TEP1: variants seen among roughly 807,000 people sequenced by gnomAD.
TEP1 encodes the protein telomerase protein component 1.
A neutral mutation model predicts 306.3 loss-of-function variants in TEP1; 241 were observed. That is an observed-to-expected ratio of 0.79 (90% CI 0.71 to 0.88). The LOEUF is 0.88. Ranked by LOEUF, TEP1 falls within the 40% of genes least tolerant of loss-of-function variation. The pLI, the probability that TEP1 is intolerant of heterozygous loss-of-function variation, is 0.00. For synonymous variants in TEP1, 1,289 were observed against 1,305.5 expected (o/e 0.99, Z 0.27); for missense variants, 3,051 against 3,276.1 (o/e 0.93, Z 1.68).
rs768898185 is a variant in TEP1 at position 20,404,726 on chromosome 14, T to C, written c.917A>G (p.Asn306Ser). 2 of 1,613,902 alleles carry C rather than the reference T, an allele frequency of 1.2e-6. No homozygotes were observed. Among genetic ancestry groups the C allele is most frequent in the Admixed American group, 1.7e-5 (1 of 59,976 alleles). Residue 306 changes from asparagine (N) to serine (S), a missense_variant, in exon 5 of 55, where the codon AAT becomes AGT. Coordinates refer to ENST00000262715, the MANE Select transcript of TEP1 (RefSeq NM_007110.5). ...RQQLNVRNVA[N>S]NILAIAAFLP... ...GAAAGCAGCAATGGCCAAGATGTTATTGGCCACATTCCGGACGTTCAGCTG... is the reference window on the plus strand; with the variant it reads ...GAAAGCAGCAATGGCCAAGATGTTACTGGCCACATTCCGGACGTTCAGCTG...
chr14:20,383,538 C>T lies in TEP1; in HGVS notation c.3817G>A (p.Asp1273Asn). 6.2e-7 allele frequency: 1 copy of T among 1,614,240 alleles called. No homozygotes were observed. Among genetic ancestry groups the T allele is most frequent in the Non-Finnish European group, 8.5e-7 (1 of 1,180,048 alleles). The change falls in exon 26 of 55, where the codon GAC becomes AAC. Residue 1273 changes from aspartate (D) to asparagine (N), a missense_variant. By Grantham distance (23) the Asp-to-Asn change is conservative. Coordinates refer to ENST00000262715, the MANE Select transcript of TEP1 (RefSeq NM_007110.5). ...LIIDGADRLVDQNGQLISDWI... is the reference protein window; with the variant it reads ...LIIDGADRLVNQNGQLISDWI... ...TCTGAAATCAGCTGCCCATTCTGGTCCACTAACCTATCAGCCCCATCGATG... is the reference window on the plus strand; with the variant it reads ...TCTGAAATCAGCTGCCCATTCTGGTTCACTAACCTATCAGCCCCATCGATG...
rs1566480937 is a variant in TEP1 at position 20,403,360 on chromosome 14, CAGA to C, written c.1266+14_1266+16del. The C allele has an allele frequency of 6.8e-6, 11 of 1,613,780 alleles. No homozygotes were observed. The highest frequency in any genetic ancestry group is 1.7e-5 in the Admixed American group (1 of 59,952). ...GATTGTACATGCACATATACAACCC[CAGA>C]AGAAGGGACTCACCTTTCTCTGCTC... On this transcript the variant is annotated intron_variant, in intron 7 of 54. Coordinates refer to ENST00000262715, the MANE Select transcript of TEP1 (RefSeq NM_007110.5).
chr14:20,387,339 G>A (rs61996764), intron 18 of TEP1, among the ~76,000 whole-genome samples: 147,810 of 147,826 alleles, frequency 1, 73,897 homozygotes, highest in Middle Eastern at 1. Context: ...CTGAGGTCGG[G>A]AGTTCAAGGT....
At chr14:20,398,172 G>A (rs1052787124) in intron 9 of TEP1, among the ~76,000 whole-genome samples, 1 of 151,950 alleles carries the variant, frequency 6.6e-6, no homozygotes, top group Non-Finnish European at 1.5e-5. Flanking sequence ...GAGGTCAGGA[G>A]ATCAAGACCA....
chr14:20,404,554 T>G (rs1017509060), intron 5 of TEP1, 57 bp downstream of exon 5: 15 of 1,550,294 alleles, frequency 9.7e-6, no homozygotes, highest in Non-Finnish European at 1.3e-5. Context: ...AAGGATGCAG[T>G]GAGCATAAGA....
chr14:20,372,932 A>C, intron 48 of TEP1, 75 bp from the exon 49 acceptor site: 1 of 1,613,346 alleles, frequency 6.2e-7, no homozygotes, highest in South Asian at 1.1e-5. Flanking sequence ...CCAGGCACAT[A>C]TGCAACCTCT....
intron 9 of TEP1, 28 bp downstream of exon 9, chr14:20,400,956 G>A (rs377410664): frequency 3.7e-5 from 59 of 1,607,418 alleles, no homozygotes; most frequent in Non-Finnish European, 4.3e-5. Flanking sequence ...AAGAGAAGGA[G>A]GGAATGTGAT....
chr14:20,392,188 T>C (rs1877786933), intron 12 of TEP1, among the ~76,000 whole-genome samples: 1 of 152,218 alleles, frequency 6.6e-6, no homozygotes. Flanking sequence ...TATTTCCGGG[T>C]AACTAAATAA....
chr14:20,381,715 A>G lies in TEP1; in HGVS notation c.4425-29T>C. 1 of 1,567,730 alleles carries G rather than the reference A, an allele frequency of 6.4e-7. No individual in the cohort carries two copies. The highest frequency in any genetic ancestry group is 1.2e-5 in the South Asian group (1 of 84,570). ...TCCTCGTGTGAGGAAGGGAGAGAGA[A>G]GAAGGAAGAGGCCTGTCAGTGAGCT... On this transcript the variant is annotated intron_variant, in intron 30 of 54. Transcript: ENST00000262715. This position sits in a 1 kb window ranked among gnomAD's most constrained non-coding sequence, Gnocchi z 4.0.
intron 7 of TEP1, among the ~76,000 whole-genome samples, chr14:20,402,807 T>C (rs1220582186): frequency 6.6e-6 from 1 of 152,224 alleles, no homozygotes; most frequent in Non-Finnish European, 1.5e-5. Flanking sequence ...GAAAGGTATA[T>C]ATTTCATAAT....
At chr14:20,368,615 A>G in intron 54 of TEP1, 56 bp from the exon 55 acceptor site, 1 of 1,604,982 alleles carries the variant, frequency 6.2e-7, no homozygotes, top group Non-Finnish European at 8.5e-7. Context: ...TTACTAACTT[A>G]TTTTTTCTCA....
At position 20,378,458 on chromosome 14, in the gene TEP1, T is replaced by G. The variant is rs1241526405; in HGVS notation, c.5430A>C (p.Pro1810=). The change falls in exon 38 of 55, where the codon CCA becomes CCC. Residue 1810 remains proline (P), a synonymous_variant. Coordinates refer to ENST00000262715, the MANE Select transcript of TEP1 (RefSeq NM_007110.5). Reference sequence around the variant, plus strand: ...TGCCTGTGGCTATTACCTGCCCCTCTGGGTGGAAGGCAACACAGTTCAGGG... The same window carrying G: ...TGCCTGTGGCTATTACCTGCCCCTCGGGGTGGAAGGCAACACAGTTCAGGG... The part of the protein sequence containing the change: ...PKSLNCVAFH[P]EGQVIATGSW... 1 of 1,614,222 alleles carries G rather than the reference T, an allele frequency of 6.2e-7. No individual in the cohort carries two copies. Among genetic ancestry groups the G allele is most frequent in the Non-Finnish European group, 8.5e-7 (1 of 1,180,038 alleles).
chr14:20,382,055 C>T lies in TEP1; in HGVS notation c.4282G>A (p.Val1428Met). The T allele has an allele frequency of 6.2e-7, 1 of 1,614,110 alleles. No homozygotes were observed. Among genetic ancestry groups the T allele is most frequent in the Non-Finnish European group, 8.5e-7 (1 of 1,180,002 alleles). ...ALEVTRSGLT[V>M]DQLHGVLSVW... The stretch of plus-strand genomic sequence containing the variant: ...CTCAGCACTCCGTGCAGCTGGTCCA[C>T]AGTCAAACCTGAAAACTCAAGCTCT... The change falls in exon 30 of 55, where the codon GTG (valine) becomes ATG (methionine). Residue 1428 changes from valine to methionine, a missense_variant. Transcript: ENST00000262715.
chr14:20,381,770 C>A lies in TEP1; in HGVS notation c.4425-84G>T. 1.3e-6 allele frequency: 2 copies of A among 1,533,140 alleles called. No individual in the cohort carries two copies. The highest frequency in any genetic ancestry group is 1.7e-6 in the Non-Finnish European group (2 of 1,144,154). 95.0% of individuals were successfully genotyped at this position (1,533,140 alleles called of 1,614,324 possible). A position where few individuals can be genotyped will look rare whatever the true frequency, so the allele number is the denominator to read the frequency against. ...GGCACACAGTGGGCTCCTATTCCCC[C>A]CTCAAATAGCGGAAACTGGAGCAGC... On this transcript the variant is annotated intron_variant, in intron 30 of 54. Coordinates refer to ENST00000262715, the MANE Select transcript of TEP1 (RefSeq NM_007110.5). The surrounding 1 kb of genome is among the most constrained non-coding windows in gnomAD (Gnocchi z 4.0).
intron 3 of TEP1, among the ~76,000 whole-genome samples, chr14:20,405,829 C>A (rs1188110666): frequency 6.6e-6 from 1 of 152,080 alleles, no homozygotes; most frequent in Non-Finnish European, 1.5e-5. Flanking sequence ...GCCTGGCCAA[C>A]ATGGCGAAAT....
chr14:20,404,905 G>A (rs780966381), intron 4 of TEP1, 133 bp from the exon 5 acceptor site: 8 of 1,037,446 alleles, frequency 7.7e-6, no homozygotes, highest in Non-Finnish European at 1.1e-5. Flanking sequence ...AAAATACGAA[G>A]CCCAGGCCAC....
In TEP1 at chr14:20,374,449, C is replaced by T. The variant is rs1885051032; in HGVS notation, c.6451G>A (p.Val2151Met). 2.5e-6 allele frequency: 4 copies of T among 1,613,218 alleles called. No individual in the cohort carries two copies. The highest frequency in any genetic ancestry group is 2.2e-5 in the South Asian group (2 of 91,010). ...CTCACCACAGCTGCCACAGCGCTCACAGCACTCTGATGACCCAGGAACTGA... is the reference window on the plus strand; with the variant it reads ...CTCACCACAGCTGCCACAGCGCTCATAGCACTCTGATGACCCAGGAACTGA... ...LGQFLGHQSA[V>M]SAVAAVEEHV... is the part of the protein sequence containing the mutation. The change falls in exon 44 of 55, where the codon GTG becomes ATG. Residue 2151 changes from valine to methionine, a missense_variant. Physicochemically the swap from Val to Met is conservative, Grantham distance 21. Coordinates refer to ENST00000262715, the MANE Select transcript of TEP1 (RefSeq NM_007110.5).
rs541393321 is a variant in TEP1 at position 20,374,463 on chromosome 14, C to T, written c.6437G>A (p.Gly2146Asp). 6.2e-7 allele frequency: 1 copy of T among 1,613,528 alleles called. No homozygotes were observed. The highest frequency in any genetic ancestry group is 1.7e-5 in the Admixed American group (1 of 59,986). Reference sequence around the variant, plus strand: ...CACAGCGCTCACAGCACTCTGATGACCCAGGAACTGACCAAGCCGCTGTCC... The same window carrying T: ...CACAGCGCTCACAGCACTCTGATGATCCAGGAACTGACCAAGCCGCTGTCC... ...ESGQRLGQFLGHQSAVSAVAA... is the reference protein window; with the variant it reads ...ESGQRLGQFLDHQSAVSAVAA... Residue 2146 changes from glycine to aspartate, a missense_variant, in exon 44 of 55, where the codon GGT (glycine) becomes GAT (aspartate). Physicochemically the swap from Gly to Asp is moderately conservative, Grantham distance 94. Around this residue, in one of 3 missense-constraint regions of TEP1, gnomAD observed 1,540 missense variants for 1,705.9 expected, o/e 0.90. Transcript: ENST00000262715.
At chr14:20,391,131 C>T (rs1314790177) in intron 13 of TEP1, 35 bp from the exon 14 acceptor site, 2 of 1,607,164 alleles carry the variant, frequency 1.2e-6, no homozygotes, top group Admixed American at 1.7e-5. Context: ...ATAAAGCTCC[C>T]CTGCTTTGGA....
Sources: gnomAD v4.1 joint callset for allele counts (sites outside exome capture counted in the v4.1 genomes callset) on GRCh38, gnomAD v4.1.1 for gene constraint, gnomAD v4.1.1 regional missense constraint, Gnocchi (gnomAD v3.1) non-coding constraint, MANE v1.5 for transcripts, NCBI Gene and HGNC (gene_info 2026-07-23, HGNC 2026-07-21) for gene names.